Variants in TMEM91 observed in about 807,000 individuals in gnomAD.
The protein encoded by TMEM91 is dispanin subfamily C member 3.
In TMEM91, 6 loss-of-function variants were observed where a neutral mutation model predicts 13.3. The observed-to-expected ratio is 0.45, with a 90% CI of 0.25 to 0.89. TMEM91 has a LOEUF of 0.89. Ranked by LOEUF, TMEM91 falls within the 40% of genes least tolerant of loss-of-function variation. The pLI, the probability that TMEM91 is intolerant of heterozygous loss-of-function variation, is 0.19. For missense variants in TMEM91, 193 were observed against 228.7 expected, an observed-to-expected ratio of 0.84 and a Z score of 1.01; for synonymous variants, 87 against 101.7, an observed-to-expected ratio of 0.86 and a Z score of 0.87.
At chr19:41,383,423 A>T (rs1172362379) in intron 3 of TMEM91, 2 of 1,054,762 alleles carry the variant, frequency 1.9e-6, no homozygotes, top group African/African-American at 3.3e-5. Flanking sequence ...AAGTGGGAAT[A>T]ATTGCTACCT....
intron 1 of TMEM91, among the ~76,000 whole-genome samples, chr19:41,371,311 C>CTCCTTCCTTCCT (rs34140170): frequency 0.059 from 6,557 of 111,878 alleles, 339 homozygotes; most frequent in African/African-American, 0.096. Flanking sequence ...CCACTATCCT[C>CTCCTTCCTTCCT]TCCTTCCTTC....
chr19:41,379,443 A>G (rs1456103182), intron 2 of TMEM91, among the ~76,000 whole-genome samples: 1 of 150,344 alleles, frequency 6.7e-6, no homozygotes, highest in Admixed American at 6.7e-5. Context: ...CTGAGGTGGG[A>G]GGATCGCTTG....
At chr19:41,383,072 T>G in intron 3 of TMEM91, 151 bp downstream of exon 3, 1 of 1,166,264 alleles carries the variant, frequency 8.6e-7, no homozygotes, top group Non-Finnish European at 1.2e-6. Context: ...CTGCAAGATT[T>G]TTTTTGAGTC....
chr19:41,375,660 C>G (rs1031917022), upstream of TMEM91, among the ~76,000 whole-genome samples: 2 of 151,190 alleles, frequency 1.3e-5, no homozygotes, highest in Non-Finnish European at 3.0e-5. Context: ...AAAAACACCC[C>G]AAAACAAAAT....
intron 3 of TMEM91, 192 bp from the exon 4 acceptor site, chr19:41,383,523 T>A (rs749426701): frequency 2.0e-6 from 3 of 1,466,076 alleles, no homozygotes; most frequent in East Asian, 5.1e-5. Context: ...TTATTATTAT[T>A]ATTTTTTACC....
chr19:41,366,877 C>T (rs893704737), intron 1 of TMEM91, among the ~76,000 whole-genome samples: 1 of 152,226 alleles, frequency 6.6e-6, no homozygotes, highest in Non-Finnish European at 1.5e-5. Flanking sequence ...GTGGTTCATG[C>T]CCGTAATCCC....
chr19:41,379,935 C>T (rs1427690457), intron 2 of TMEM91, among the ~76,000 whole-genome samples: 8 of 143,752 alleles, frequency 5.6e-5, no homozygotes, highest in African/African-American at 1.3e-4. Context: ...ACCCTTGTTG[C>T]CCAGGCTGGA....
intron 1 of TMEM91, among the ~76,000 whole-genome samples, chr19:41,370,437 T>C (rs2038597168): frequency 9.6e-6 from 1 of 104,424 alleles, no homozygotes; most frequent in African/African-American, 3.6e-5. Context: ...GACAGAGTCT[T>C]GCTCTGTTGC....
At chr19:41,382,642 C>G in intron 2 of TMEM91, 130 bp from the exon 3 acceptor site, 1 of 1,302,862 alleles carries the variant, frequency 7.7e-7, no homozygotes, top group Non-Finnish European at 1.0e-6. Context: ...CATCTCTGAA[C>G]ACTTTTTTCT....
chr19:41,383,289 A>G, intron 3 of TMEM91: 1 of 373,320 alleles, frequency 2.7e-6, no homozygotes, highest in Non-Finnish European at 4.6e-6. Flanking sequence ...CCTGACCTCA[A>G]GTGATCCTCC....
At chr19:41,365,884 T>C (rs957752373) in intron 1 of TMEM91, among the ~76,000 whole-genome samples, 4 of 151,208 alleles carry the variant, frequency 2.6e-5, no homozygotes, top group Non-Finnish European at 5.9e-5. Flanking sequence ...CTAATGTTTG[T>C]GCTTTTAGTA....
At chr19:41,378,004 T>A (rs552782516) in intron 1 of TMEM91, among the ~76,000 whole-genome samples, 1 of 142,894 alleles carries the variant, frequency 7.0e-6, no homozygotes, top group Admixed American at 7.2e-5. Flanking sequence ...CAGTGGTGGA[T>A]CTGCCTGGGC....
At chr19:41,367,969 T>C (rs2038555206) in intron 1 of TMEM91, among the ~76,000 whole-genome samples, 1 of 152,126 alleles carries the variant, frequency 6.6e-6, no homozygotes, top group African/African-American at 2.4e-5. Context: ...TCTCTGGCAC[T>C]GCTTGGTCAT....
At chr19:41,374,738 C>G, upstream of TMEM91, among the ~76,000 whole-genome samples, 1 of 152,018 alleles carries the variant, frequency 6.6e-6, no homozygotes, top group Middle Eastern at 3.2e-3. Context: ...AATCCCAGCA[C>G]TTTGGGAGGC....
intron 2 of TMEM91, 104 bp downstream of exon 2, chr19:41,378,623 C>A: frequency 8.5e-7 from 1 of 1,180,838 alleles, no homozygotes; most frequent in Non-Finnish European, 1.2e-6. Context: ...CTGCCTTAGG[C>A]CTGGAGTCTC....
rs771613620 is a variant in TMEM91, at chr19:41,383,885, G to A, written c.*12G>A. 3.1e-6 allele frequency: 5 copies of A among 1,601,768 alleles called. No individual in the cohort carries two copies. The highest frequency in any genetic ancestry group is 1.1e-5 in the South Asian group (1 of 89,492). ...GAGACCCGCCCTAGTTGCCCCTACA[G>A]CCCTCACTGTGAACCCTGAGGCCGG... On this transcript the variant is annotated 3_prime_UTR_variant, in exon 4 of 4. Coordinates refer to ENST00000392002, the MANE Select transcript of TMEM91 (RefSeq NM_001098821.2).
At chr19:41,374,648 G>C (rs2038676957), upstream of TMEM91, among the ~76,000 whole-genome samples, 1 of 152,038 alleles carries the variant, frequency 6.6e-6, no homozygotes, top group East Asian at 1.9e-4. Flanking sequence ...GTTCAGAGAG[G>C]TGAAGGCATT....
chr19:41,370,659 C>A lies in TMEM91; in HGVS notation c.-30+6564C>A, dbSNP rs1012243067. Among the ~76,000 whole-genome samples, 7 of 152,150 alleles carry A rather than the reference C, an allele frequency of 4.6e-5. 1 individual carries two copies. Among genetic ancestry groups the A allele is most frequent in the Admixed American group, 6.6e-5 (1 of 15,250 alleles). On this transcript the variant is annotated intron_variant, in intron 1 of 3. Coordinates refer to the TMEM91 transcript ENST00000413014. The stretch of plus-strand genomic sequence containing the variant: ...TGACCTTGTGATCCACCCGCCTCGG[C>A]CTCCCAAAGTGCTGGGATTACAAGC...
At chr19:41,374,081 C>G (rs1045169637), upstream of TMEM91, 1 of 152,388 alleles carries the variant, frequency 6.6e-6, no homozygotes, top group East Asian at 1.9e-4. Context: ...CTCACGCTCT[C>G]GTCTACCCTC....
Sources: allele counts gnomAD v4.1 joint callset (sites outside exome capture counted in the v4.1 genomes callset), GRCh38; gene constraint gnomAD v4.1.1; transcripts MANE v1.5; gene names NCBI Gene and HGNC (gene_info 2026-07-23, HGNC 2026-07-21).